MAF: variants seen among roughly 807,000 people sequenced by gnomAD.
MAF encodes the protein transcription factor Maf.
MAF carries 10 observed loss-of-function variants against 22.0 expected under a neutral mutation model. The ratio of observed to expected loss-of-function variants is 0.45; its 90% CI spans 0.28 to 0.77. The LOEUF (loss-of-function observed/expected upper bound fraction) is 0.77, where lower values mean the gene tolerates loss of function less well. MAF is among the 30% of genes least tolerant of loss of function. MAF has a pLI of 0.12. For missense variants in MAF, 544 were observed against 548.4 expected (o/e 0.99, Z 0.08); for synonymous variants, 337 against 255.8 (o/e 1.32, Z -3.03).
chr16:79,213,386 T>C, the MAF span, among the ~76,000 whole-genome samples: 1 of 152,238 alleles, frequency 6.6e-6, no homozygotes, highest in East Asian at 1.9e-4. Flanking sequence ...ATCCTTATTA[T>C]CACAGGACCT....
the MAF span, among the ~76,000 whole-genome samples, chr16:79,429,595 G>C: frequency 1.3e-5 from 2 of 152,152 alleles, no homozygotes; most frequent in Non-Finnish European, 2.9e-5. Context: ...GGTGAATTCA[G>C]ACCCCACTGT....
At chr16:79,462,753 C>T in the MAF span, among the ~76,000 whole-genome samples, 2 of 152,310 alleles carry the variant, frequency 1.3e-5, no homozygotes, top group Non-Finnish European at 2.9e-5. Flanking sequence ...TGGACCTATA[C>T]CTACACATAC....
At chr16:79,428,774 G>A in the MAF span, among the ~76,000 whole-genome samples, 1 of 151,972 alleles carries the variant, frequency 6.6e-6, no homozygotes, top group Non-Finnish European at 1.5e-5. Flanking sequence ...GAGCCCAGGA[G>A]GTCGAGGCTG....
chr16:79,400,480 G>T, the MAF span, among the ~76,000 whole-genome samples: 1 of 152,252 alleles, frequency 6.6e-6, no homozygotes, highest in Non-Finnish European at 1.5e-5. Context: ...TGCCTGGCCT[G>T]GTTAAGTACT....
chr16:79,583,393 C>G (rs1162176177), downstream of MAF, among the ~76,000 whole-genome samples: 1 of 152,080 alleles, frequency 6.6e-6, no homozygotes, highest in Admixed American at 6.5e-5. Context: ...GTACTTAAGG[C>G]CCAGGAAGTG....
chr16:79,568,437 C>T, the MAF span, among the ~76,000 whole-genome samples: 1 of 152,168 alleles, frequency 6.6e-6, no homozygotes, highest in Non-Finnish European at 1.5e-5. Context: ...CATTTATTGC[C>T]TTGAGACATG....
the MAF span, among the ~76,000 whole-genome samples, chr16:79,461,458 C>A: frequency 4.4e-4 from 67 of 152,248 alleles, no homozygotes; most frequent in African/African-American, 1.5e-3. Context: ...GTCAGCTCAG[C>A]CAGCAGATGG....
At chr16:79,394,829 G>A in the MAF span, among the ~76,000 whole-genome samples, 1 of 152,296 alleles carries the variant, frequency 6.6e-6, no homozygotes, top group South Asian at 2.1e-4. Flanking sequence ...TTGCAGCTGA[G>A]TTTGGGAACC....
the MAF span, among the ~76,000 whole-genome samples, chr16:79,416,450 C>A: frequency 1.4e-5 from 2 of 147,216 alleles, no homozygotes; most frequent in Non-Finnish European, 3.0e-5. Flanking sequence ...CACGGTGATA[C>A]ACTACATTTG....
At chr16:79,518,618 A>G in the MAF span, among the ~76,000 whole-genome samples, 1 of 152,252 alleles carries the variant, frequency 6.6e-6, no homozygotes, top group African/African-American at 2.4e-5. Flanking sequence ...CATCTGTGAA[A>G]TGCTGATAAC....
At chr16:79,374,116 C>T in the MAF span, among the ~76,000 whole-genome samples, 2 of 152,180 alleles carry the variant, frequency 1.3e-5, no homozygotes, top group South Asian at 2.1e-4. Context: ...AAAAATACAA[C>T]ATGTAGAAGG....
At chr16:79,562,401 G>T in the MAF span, among the ~76,000 whole-genome samples, 1 of 152,180 alleles carries the variant, frequency 6.6e-6, no homozygotes, top group South Asian at 2.1e-4. Context: ...TGGATGGAAG[G>T]ATAAGGAAAT....
chr16:79,498,120 C>A, the MAF span, among the ~76,000 whole-genome samples: 5,846 of 152,284 alleles, frequency 0.038, 370 homozygotes, highest in African/African-American at 0.13. Flanking sequence ...CATCATTAAA[C>A]CTGAGGTGTG....
the MAF span, among the ~76,000 whole-genome samples, chr16:79,235,318 A>C: frequency 6.6e-6 from 1 of 152,044 alleles, no homozygotes; most frequent in Non-Finnish European, 1.5e-5. Context: ...CAAAATTTGC[A>C]GAGGAGGGAA....
chr16:79,478,824 C>T, the MAF span, among the ~76,000 whole-genome samples: 1 of 151,776 alleles, frequency 6.6e-6, no homozygotes, highest in East Asian at 1.9e-4. Flanking sequence ...CCTGGCATAC[C>T]TGTATCCCAT....
At chr16:79,433,068 C>T in the MAF span, among the ~76,000 whole-genome samples, 1 of 152,128 alleles carries the variant, frequency 6.6e-6, no homozygotes, top group African/African-American at 2.4e-5. Flanking sequence ...ACGTCCACAT[C>T]ATGTGATTCA....
At chr16:79,255,661 T>A in the MAF span, among the ~76,000 whole-genome samples, 1 of 152,128 alleles carries the variant, frequency 6.6e-6, no homozygotes, top group Non-Finnish European at 1.5e-5. Flanking sequence ...TCTTCAACTG[T>A]CTGTACAGAT....
the MAF span, among the ~76,000 whole-genome samples, chr16:79,558,159 C>T: frequency 6.6e-6 from 1 of 150,776 alleles, no homozygotes; most frequent in African/African-American, 2.5e-5. Context: ...TTTTTCCTGC[C>T]TGTGGGGGGC....
the MAF span, among the ~76,000 whole-genome samples, chr16:79,250,885 A>G: frequency 1.3e-5 from 2 of 152,154 alleles, no homozygotes; most frequent in African/African-American, 4.8e-5. Context: ...CAGTGCTAAA[A>G]CTGGGACAGT....
Sources: gnomAD v4.1 joint callset for allele counts (sites outside exome capture counted in the v4.1 genomes callset) on GRCh38, gnomAD v4.1.1 for gene constraint, MANE v1.5 for transcripts, NCBI Gene and HGNC (gene_info 2026-07-23, HGNC 2026-07-21) for gene names.